The following MAD1L1 variants were observed in gnomAD, a reference collection of about 807,000 sequenced individuals.
MAD1L1 encodes the protein mitotic arrest deficient 1 like 1, also known as mitotic spindle assembly checkpoint protein MAD1.
Under a neutral mutation model 96.9 loss-of-function variants are expected in MAD1L1, and 95 were observed. The observed-to-expected ratio is 0.98, with a 90% CI of 0.83 to 1.16. The LOEUF (loss-of-function observed/expected upper bound fraction) is 1.16. Among genes scored for constraint, MAD1L1 ranks in the 50% most tolerant of loss-of-function variants. MAD1L1 has a pLI of 0.00. For missense variants in MAD1L1, 1,007 were observed against 954.4 expected (o/e 1.06, Z -0.73); for synonymous variants, 473 against 396.6 (o/e 1.19, Z -2.29).
At chr7:1,953,750 T>A (rs190296847) in intron 16 of MAD1L1, among the ~76,000 whole-genome samples, 1 of 152,188 alleles carries the variant, frequency 6.6e-6, no homozygotes, top group African/African-American at 2.4e-5. Flanking sequence ...CTTCACAACG[T>A]ATCTTTAAAT....
chr7:2,048,181 G>A (rs1784016930), intron 12 of MAD1L1, among the ~76,000 whole-genome samples: 1 of 152,200 alleles, frequency 6.6e-6, no homozygotes, highest in Non-Finnish European at 1.5e-5. Flanking sequence ...ACACCCGGGT[G>A]CACGCATGTG....
intron 16 of MAD1L1, among the ~76,000 whole-genome samples, chr7:1,950,879 G>A (rs1562555284): frequency 6.6e-6 from 1 of 152,276 alleles, no homozygotes; most frequent in East Asian, 1.9e-4. Flanking sequence ...CACATCGCCT[G>A]CCCCATCTGC....
At chr7:1,839,906 C>A (rs1783152652) in intron 18 of MAD1L1, among the ~76,000 whole-genome samples, 1 of 152,204 alleles carries the variant, frequency 6.6e-6, no homozygotes, top group Non-Finnish European at 1.5e-5. Flanking sequence ...CCCATAACCA[C>A]CTAGGCATGG....
intron 16 of MAD1L1, among the ~76,000 whole-genome samples, chr7:1,957,377 C>T (rs1449571892): frequency 6.6e-6 from 1 of 152,230 alleles, no homozygotes; most frequent in Non-Finnish European, 1.5e-5. Context: ...GCAAATCTGC[C>T]CAGAGCCCAC....
chr7:2,157,903 G>T (rs2128586170), intron 10 of MAD1L1, among the ~76,000 whole-genome samples: 1 of 152,250 alleles, frequency 6.6e-6, no homozygotes, highest in South Asian at 2.1e-4. Flanking sequence ...TAACCAGGAG[G>T]AGCCGTGCCA....
chr7:1,878,694 A>G (rs1397566024), intron 18 of MAD1L1, among the ~76,000 whole-genome samples: 1 of 150,926 alleles, frequency 6.6e-6, no homozygotes, highest in Non-Finnish European at 1.5e-5. Context: ...AAAATACTGG[A>G]TGCTTTCTCG....
intron 15 of MAD1L1, among the ~76,000 whole-genome samples, chr7:1,979,510 C>G (rs1399903248): frequency 1.3e-5 from 2 of 152,276 alleles, no homozygotes; most frequent in Non-Finnish European, 2.9e-5. Context: ...GCAGCGCCAA[C>G]ACAGGCACCA....
intron 10 of MAD1L1, among the ~76,000 whole-genome samples, chr7:2,154,487 G>C (rs533332337): frequency 4.4e-4 from 67 of 152,284 alleles, no homozygotes; most frequent in Admixed American, 1.1e-3. Context: ...AAGAGAACCA[G>C]AATTTTTCCC....
intron 10 of MAD1L1, among the ~76,000 whole-genome samples, chr7:2,172,988 G>A (rs1344745064): frequency 6.6e-6 from 1 of 152,224 alleles, no homozygotes; most frequent in African/African-American, 2.4e-5. Flanking sequence ...CATGCCCCTG[G>A]CATTCCCAGT....
intron 10 of MAD1L1, among the ~76,000 whole-genome samples, chr7:2,195,212 C>A (rs1027656181): frequency 1.3e-5 from 2 of 152,170 alleles, no homozygotes; most frequent in African/African-American, 4.8e-5. Context: ...ATAAAAACAC[C>A]TAAACTAAAA....
At chr7:2,060,300 C>A (rs560175760) in intron 12 of MAD1L1, among the ~76,000 whole-genome samples, 1 of 148,634 alleles carries the variant, frequency 6.7e-6, no homozygotes, top group South Asian at 2.2e-4. Context: ...CCGAGATACG[C>A]CGATCCCGAG....
intron 15 of MAD1L1, among the ~76,000 whole-genome samples, chr7:1,964,309 G>A (rs1025524022): frequency 7.2e-5 from 11 of 152,210 alleles, no homozygotes; most frequent in African/African-American, 2.7e-4. Context: ...TGAAGGCTTG[G>A]GAGCAAAATG....
At chr7:1,989,837 G>A (rs1281772495) in intron 14 of MAD1L1, among the ~76,000 whole-genome samples, 2 of 152,222 alleles carry the variant, frequency 1.3e-5, no homozygotes, top group Non-Finnish European at 2.9e-5. Flanking sequence ...CTCCCTCCTG[G>A]AGTACAGGCC....
At chr7:2,029,622 T>C (rs1783130801) in intron 12 of MAD1L1, among the ~76,000 whole-genome samples, 1 of 152,076 alleles carries the variant, frequency 6.6e-6, no homozygotes, top group South Asian at 2.1e-4. Context: ...TTGGCTGTGG[T>C]TGTAAGTCCC....
chr7:2,030,469 A>G (rs1783174752), intron 12 of MAD1L1, among the ~76,000 whole-genome samples: 1 of 152,230 alleles, frequency 6.6e-6, no homozygotes, highest in Admixed American at 6.5e-5. Flanking sequence ...TCTTTCATGA[A>G]CAGATAAGGC....
intron 11 of MAD1L1, among the ~76,000 whole-genome samples, chr7:2,096,980 G>A (rs936585978): frequency 1.3e-5 from 2 of 152,156 alleles, no homozygotes; most frequent in Non-Finnish European, 2.9e-5. Context: ...CAGCGCACCC[G>A]GGGACCCTGC....
intron 18 of MAD1L1, among the ~76,000 whole-genome samples, chr7:1,864,210 C>A (rs1026817622): frequency 4.6e-5 from 7 of 152,176 alleles, no homozygotes; most frequent in African/African-American, 1.2e-4. Context: ...AGTTGGGGAG[C>A]CGCTTTCCTG....
chr7:2,217,412 C>T (rs1025314291), intron 7 of MAD1L1, among the ~76,000 whole-genome samples: 3 of 152,184 alleles, frequency 2.0e-5, no homozygotes, highest in East Asian at 1.9e-4. Context: ...CTGGGGGTGC[C>T]GGGCAGCTCT....
intron 10 of MAD1L1, among the ~76,000 whole-genome samples, chr7:2,209,338 A>G (rs1339522266): frequency 6.6e-6 from 1 of 152,142 alleles, no homozygotes; most frequent in African/African-American, 2.4e-5. Flanking sequence ...GAGCCCTCTG[A>G]GGACTGCAGG....
Sources: allele counts gnomAD v4.1 joint callset (sites outside exome capture counted in the v4.1 genomes callset), GRCh38; gene constraint gnomAD v4.1.1; transcripts MANE v1.5; gene names NCBI Gene and HGNC (gene_info 2026-07-23, HGNC 2026-07-21).